Variants in ZBTB20 observed in about 807,000 individuals in gnomAD.
ZBTB20 encodes the protein zinc finger and BTB domain-containing protein 20.
In ZBTB20, 9 loss-of-function variants were observed where a neutral mutation model predicts 56.9. That is an observed-to-expected ratio of 0.16 (90% CI 0.10 to 0.28). The LOEUF (loss-of-function observed/expected upper bound fraction) is 0.28. ZBTB20 is among the 10% of genes least tolerant of loss of function. The pLI, the probability that ZBTB20 is intolerant of heterozygous loss-of-function variation, is 1.00. For missense variants in ZBTB20, 655 were observed against 1,003.0 expected (o/e 0.65, Z 4.69); for synonymous variants, 417 against 420.7 (o/e 0.99, Z 0.11).
At chr3:114,648,543 T>C (rs1419163101) in intron 6 of ZBTB20, among the ~76,000 whole-genome samples, 1 of 152,008 alleles carries the variant, frequency 6.6e-6, no homozygotes. Context: ...AACTACTAAT[T>C]TGTGCTATCT....
At chr3:114,798,989 GA>G (rs201484267) in intron 5 of ZBTB20, among the ~76,000 whole-genome samples, 4 of 148,054 alleles carry the variant, frequency 2.7e-5, no homozygotes, top group African/African-American at 7.4e-5. Context: ...ATGTAAAAAA[GA>G]AAAAAAAACA....
intron 2 of ZBTB20, among the ~76,000 whole-genome samples, chr3:115,049,675 G>T (rs1320946941): frequency 1.3e-5 from 2 of 152,052 alleles, no homozygotes; most frequent in African/African-American, 4.8e-5. Context: ...TCAGATTATG[G>T]ATGTTCAACT....
chr3:115,083,305 C>A (rs906244184), intron 1 of ZBTB20, among the ~76,000 whole-genome samples: 1 of 151,970 alleles, frequency 6.6e-6, no homozygotes, highest in African/African-American at 2.4e-5. Context: ...CCATCTTCTC[C>A]TCACAGCCTA....
chr3:114,558,884 C>T (rs1296376707), intron 6 of ZBTB20, among the ~76,000 whole-genome samples: 1 of 152,114 alleles, frequency 6.6e-6, no homozygotes, highest in Admixed American at 6.6e-5. Flanking sequence ...GCCTCAAGGC[C>T]TTTGAAGTTG....
chr3:114,335,562 C>T lies in ZBTB20; in HGVS notation c.*3443G>A, dbSNP rs988192431. 23 of 152,306 alleles carry T rather than the reference C, an allele frequency of 1.5e-4. No individual in the cohort carries two copies. Among genetic ancestry groups the T allele is most frequent in the African/African-American group, 5.5e-4 (23 of 41,566 alleles). The allele number at this position is 152,306 out of a possible 1,614,324, so 9.4% of individuals were successfully genotyped here. ...TTTGGAAAGTGGCCATTTGATGGGC[C>T]AGGAACATAGCAATAAACAACTACC... On this transcript the variant is annotated 3_prime_UTR_variant, in exon 12 of 12. Transcript: ENST00000675478.
Position 114,900,968 on chromosome 3 carries a change from G to A in ZBTB20, c.-455-626C>T, listed in dbSNP as rs183779636. Reference sequence around the variant, plus strand: ...AACACACTTTGACAAAACTGCCAGCGAAGTAGGTATTGATACAGAAGACTA... The same window carrying A: ...AACACACTTTGACAAAACTGCCAGCAAAGTAGGTATTGATACAGAAGACTA... On this transcript the variant is annotated intron_variant, in intron 3 of 11. Transcript: ENST00000675478. 6.8e-4 allele frequency among the ~76,000 whole-genome samples: 104 copies of A among 152,294 alleles called. 2 individuals carry two copies. The highest frequency in any genetic ancestry group is 2.3e-3 in the African/African-American group (97 of 41,566).
At chr3:114,961,564 T>C (rs969683680) in intron 3 of ZBTB20, among the ~76,000 whole-genome samples, 2 of 152,148 alleles carry the variant, frequency 1.3e-5, no homozygotes, top group African/African-American at 2.4e-5. Flanking sequence ...ATTGTTCTAA[T>C]TGATGAATCT....
chr3:114,826,918 G>A (rs2073557654), intron 4 of ZBTB20, among the ~76,000 whole-genome samples: 1 of 151,604 alleles, frequency 6.6e-6, no homozygotes, highest in South Asian at 2.1e-4. Flanking sequence ...GGTTCTTGTA[G>A]GATATTGAAC....
intron 1 of ZBTB20, among the ~76,000 whole-genome samples, chr3:115,105,183 T>A (rs2083686335): frequency 1.4e-5 from 2 of 146,920 alleles, no homozygotes; most frequent in Admixed American, 1.3e-4. Flanking sequence ...TTGAACAGCG[T>A]ATCATAATAA....
chr3:114,381,048 G>T (rs2084272049), intron 8 of ZBTB20, 108 bp from the exon 9 acceptor site: 3 of 262,900 alleles, frequency 1.1e-5, no homozygotes, highest in Non-Finnish European at 2.1e-5. Flanking sequence ...CTCTTATTAA[G>T]ATTTTATTTT....
chr3:114,366,272 C>T (rs554509161), intron 10 of ZBTB20, among the ~76,000 whole-genome samples: 1 of 152,226 alleles, frequency 6.6e-6, no homozygotes, highest in East Asian at 1.9e-4. Flanking sequence ...TCTTGAAGGT[C>T]CAGACTCCTT....
intron 7 of ZBTB20, among the ~76,000 whole-genome samples, chr3:114,449,601 A>G (rs1257415191): frequency 1.3e-5 from 2 of 151,844 alleles, no homozygotes; most frequent in East Asian, 1.9e-4. Flanking sequence ...CTGGAAATAC[A>G]TATCTCCAGA....
chr3:114,429,356 A>G (rs927415615), intron 7 of ZBTB20, among the ~76,000 whole-genome samples: 2 of 152,240 alleles, frequency 1.3e-5, no homozygotes, highest in Non-Finnish European at 2.9e-5. Flanking sequence ...TAAACTCTGC[A>G]TTATATTTTA....
chr3:114,848,725 A>C (rs867913855), intron 4 of ZBTB20, among the ~76,000 whole-genome samples: 7 of 152,104 alleles, frequency 4.6e-5, no homozygotes, highest in African/African-American at 1.7e-4. Context: ...CCATCTACTA[A>C]TATTGCTTAT....
At chr3:114,550,148 C>A (rs779462625) in intron 6 of ZBTB20, among the ~76,000 whole-genome samples, 1 of 152,110 alleles carries the variant, frequency 6.6e-6, no homozygotes, top group African/African-American at 2.4e-5. Flanking sequence ...CCGTGTTAGC[C>A]AGGATGGTCT....
Position 114,774,913 on chromosome 3 carries a change from A to G in ZBTB20, c.-343+26188T>C, listed in dbSNP as rs572990864. Reference sequence around the variant, plus strand: ...TAAAAGCCTTTGTTAGTGAATAAAAAAAAAGAAAAGAAAAGAAAAAACTTC... The same window carrying G: ...TAAAAGCCTTTGTTAGTGAATAAAAGAAAAGAAAAGAAAAGAAAAAACTTC... On this transcript the variant is annotated intron_variant, in intron 5 of 11. Coordinates refer to ENST00000675478, the MANE Select transcript of ZBTB20 (RefSeq NM_001348800.3). 2.4e-3 allele frequency among the ~76,000 whole-genome samples: 366 copies of G among 152,258 alleles called. 2 individuals are homozygous for G. Among genetic ancestry groups the G allele is most frequent in the Non-Finnish European group, 2.0e-3 (135 of 68,000 alleles).
intron 6 of ZBTB20, among the ~76,000 whole-genome samples, chr3:114,547,096 A>C (rs565340124): frequency 5.5e-4 from 84 of 152,340 alleles, no homozygotes; most frequent in Non-Finnish European, 9.8e-4. Flanking sequence ...TTCCAGGGAA[A>C]CAGAAGTTGA....
chr3:114,959,789 T>C (rs1481214772), intron 3 of ZBTB20, among the ~76,000 whole-genome samples: 1 of 151,640 alleles, frequency 6.6e-6, no homozygotes. Flanking sequence ...TTTTGAAGCA[T>C]ACAAATTTAG....
chr3:114,596,028 T>C (rs986920450), intron 6 of ZBTB20, among the ~76,000 whole-genome samples: 5 of 152,186 alleles, frequency 3.3e-5, no homozygotes, highest in Admixed American at 1.3e-4. Flanking sequence ...AAGATGTAAA[T>C]AGTTTTTGTT....
Sources: allele counts gnomAD v4.1 joint callset (sites outside exome capture counted in the v4.1 genomes callset), GRCh38; gene constraint gnomAD v4.1.1; transcripts MANE v1.5; gene names NCBI Gene and HGNC (gene_info 2026-07-23, HGNC 2026-07-21).